SLC39A11: variants seen among roughly 807,000 people sequenced by gnomAD.
SLC39A11 encodes the protein solute carrier family 39 member 11.
SLC39A11 carries 33 observed loss-of-function variants against 36.1 expected under a neutral mutation model. The ratio of observed to expected loss-of-function variants is 0.91; its 90% CI spans 0.69 to 1.22. SLC39A11 has a LOEUF of 1.22. Ranked by LOEUF, SLC39A11 falls within the 50% of genes most tolerant of loss-of-function variation. SLC39A11 has a pLI of 0.00. For missense variants in SLC39A11, 432 were observed against 430.3 expected (o/e 1.00, Z -0.03); for synonymous variants, 166 against 170.3 (o/e 0.97, Z 0.20).
At chr17:73,067,686 T>C (rs149799620) in intron 3 of SLC39A11, among the ~76,000 whole-genome samples, 469 of 152,284 alleles carry the variant, frequency 3.1e-3, no homozygotes, top group African/African-American at 0.011. Context: ...GGCGTATTAA[T>C]ACAAATCACA....
chr17:72,822,727 CTTTT>C (rs1598877225), intron 6 of SLC39A11, among the ~76,000 whole-genome samples: 1 of 150,842 alleles, frequency 6.6e-6, no homozygotes, highest in Admixed American at 6.6e-5. Flanking sequence ...TTCTTTCTTT[CTTTT>C]CTTTCTTTTT....
intron 6 of SLC39A11, among the ~76,000 whole-genome samples, chr17:72,834,940 G>A (rs1032330742): frequency 9.9e-5 from 15 of 152,202 alleles, no homozygotes; most frequent in African/African-American, 2.9e-4. Flanking sequence ...GCATCTGCGC[G>A]TCTGTCGCCT....
intron 3 of SLC39A11, among the ~76,000 whole-genome samples, chr17:73,081,645 AC>A (rs2060516966): frequency 6.8e-6 from 1 of 147,798 alleles, no homozygotes; most frequent in Non-Finnish European, 1.5e-5. Flanking sequence ...ACACACACAC[AC>A]ACACACACAC....
chr17:73,027,808 C>T (rs1369416670), intron 4 of SLC39A11, among the ~76,000 whole-genome samples: 1 of 152,202 alleles, frequency 6.6e-6, no homozygotes, highest in Admixed American at 6.5e-5. Flanking sequence ...TGGTCACGGG[C>T]AAGGGTCAAA....
intron 7 of SLC39A11, among the ~76,000 whole-genome samples, chr17:72,724,451 G>A (rs918001385): frequency 3.3e-5 from 5 of 152,128 alleles, no homozygotes; most frequent in African/African-American, 1.2e-4. Flanking sequence ...GAAAGCGGTG[G>A]GGGGGAGTGA....
chr17:72,858,375 G>A (rs2079771686), intron 5 of SLC39A11, among the ~76,000 whole-genome samples: 1 of 152,188 alleles, frequency 6.6e-6, no homozygotes, highest in Non-Finnish European at 1.5e-5. Context: ...TTTGGTTACT[G>A]TAGTCCTATG....
intron 5 of SLC39A11, among the ~76,000 whole-genome samples, chr17:72,855,055 G>A (rs1438351676): frequency 1.3e-5 from 2 of 152,190 alleles, no homozygotes; most frequent in African/African-American, 4.8e-5. Context: ...CCTGCAGAGT[G>A]GAAGTCTCTG....
intron 4 of SLC39A11, among the ~76,000 whole-genome samples, chr17:72,970,397 C>A (rs2087350986): frequency 6.6e-6 from 1 of 152,216 alleles, no homozygotes; most frequent in South Asian, 2.1e-4. Context: ...CCCTCAGATG[C>A]AGCAACGCTC....
chr17:72,997,307 G>A (rs2089578320), intron 4 of SLC39A11, among the ~76,000 whole-genome samples: 2 of 152,170 alleles, frequency 1.3e-5, no homozygotes, highest in South Asian at 4.1e-4. Flanking sequence ...AGGCTGGAAT[G>A]CAGTGGCATG....
intron 6 of SLC39A11, among the ~76,000 whole-genome samples, chr17:72,769,213 C>A (rs573847449): frequency 6.6e-6 from 1 of 152,322 alleles, no homozygotes; most frequent in African/African-American, 2.4e-5. Flanking sequence ...GGGGTGACCC[C>A]AGAGTCCATG....
intron 5 of SLC39A11, among the ~76,000 whole-genome samples, chr17:72,913,065 C>A (rs775458806): frequency 2.7e-4 from 41 of 152,088 alleles, no homozygotes; most frequent in Middle Eastern, 3.4e-3. Context: ...TCTAAAAAGT[C>A]CTGATTTATA....
intron 6 of SLC39A11, among the ~76,000 whole-genome samples, chr17:72,840,780 G>A (rs1457281806): frequency 6.6e-6 from 1 of 151,748 alleles, no homozygotes; most frequent in Non-Finnish European, 1.5e-5. Flanking sequence ...AATTGGCTGG[G>A]TGCAGTGGCT....
intron 5 of SLC39A11, among the ~76,000 whole-genome samples, chr17:72,916,375 G>C (rs764885138): frequency 6.7e-6 from 1 of 149,240 alleles, no homozygotes. Context: ...GCTCTTACAC[G>C]GTTCCTCCAA....
chr17:72,901,276 A>AC (rs572545977), intron 5 of SLC39A11, among the ~76,000 whole-genome samples: 174 of 152,268 alleles, frequency 1.1e-3, no homozygotes, highest in African/African-American at 3.9e-3. Context: ...TTGCTCATTG[A>AC]CCCACAGGCC....
At chr17:72,932,415 G>C (rs2084463210) in intron 5 of SLC39A11, among the ~76,000 whole-genome samples, 1 of 151,986 alleles carries the variant, frequency 6.6e-6, no homozygotes, top group African/African-American at 2.4e-5. Context: ...CCTACATTAG[G>C]TATTTCTCCT....
chr17:72,982,603 T>A (rs982076304), intron 4 of SLC39A11, among the ~76,000 whole-genome samples: 1 of 152,182 alleles, frequency 6.6e-6, no homozygotes, highest in Non-Finnish European at 1.5e-5. Flanking sequence ...ATCTTCAGAT[T>A]TTGTTTCTTT....
chr17:72,795,063 AG>A (rs955502617), intron 6 of SLC39A11, among the ~76,000 whole-genome samples: 1 of 152,170 alleles, frequency 6.6e-6, no homozygotes, highest in Non-Finnish European at 1.5e-5. Flanking sequence ...AGGTACGCAG[AG>A]TATCAAATAA....
chr17:72,845,645 C>T (rs1358051337), intron 6 of SLC39A11, among the ~76,000 whole-genome samples: 19 of 152,210 alleles, frequency 1.2e-4, no homozygotes, highest in Non-Finnish European at 1.6e-4. Context: ...TCGACTATCT[C>T]ACCTTGCTAT....
chr17:72,913,792 T>TC (rs75122392), intron 5 of SLC39A11, among the ~76,000 whole-genome samples: 1 of 49,976 alleles, frequency 2.0e-5, no homozygotes, highest in African/African-American at 1.1e-4. Flanking sequence ...TGATAGACTC[T>TC]GTATCTCAGT....
Sources: gnomAD v4.1 joint callset for allele counts (sites outside exome capture counted in the v4.1 genomes callset) on GRCh38, gnomAD v4.1.1 for gene constraint, MANE v1.5 for transcripts, NCBI Gene and HGNC (gene_info 2026-07-23, HGNC 2026-07-21) for gene names.